THRB: variants seen among roughly 807,000 people sequenced by gnomAD.
The protein encoded by THRB is thyroid hormone receptor beta.
THRB carries 12 observed loss-of-function variants against 47.8 expected under a neutral mutation model. The observed-to-expected ratio is 0.25, with a 90% CI of 0.16 to 0.41. THRB has a LOEUF of 0.41. Among genes scored for constraint, THRB ranks in the 10% least tolerant of loss-of-function variants. THRB has a pLI of 1.00. For synonymous variants in THRB, 218 were observed against 212.2 expected (o/e 1.03, Z -0.24); for missense variants, 348 against 589.2 (o/e 0.59, Z 4.24).
At chr3:24,409,803 A>G (rs1019338696) in intron 1 of THRB, among the ~76,000 whole-genome samples, 1 of 151,834 alleles carries the variant, frequency 6.6e-6, no homozygotes, top group African/African-American at 2.4e-5. Context: ...AATGTAAAAA[A>G]TACCCCTGAA....
chr3:24,352,594 G>A (rs2063422987), intron 1 of THRB, among the ~76,000 whole-genome samples: 1 of 152,120 alleles, frequency 6.6e-6, no homozygotes, highest in African/African-American at 2.4e-5. Flanking sequence ...TTCAAACCGG[G>A]GTGGTTGGTT....
Position 24,466,858 on chromosome 3 carries a change from G to A in THRB, c.-261+27794C>T, listed in dbSNP as rs115661409. Among the ~76,000 whole-genome samples the A allele has an allele frequency of 4.2e-3, 643 of 152,296 alleles. 6 individuals are homozygous for A. The highest frequency in any genetic ancestry group is 0.015 in the African/African-American group (622 of 41,556). ...GATGTTGCTGGCTGCTAACTGATCA[G>A]GGTGATGGTTGCTGAAGGTTGGGGT... On this transcript the variant is annotated intron_variant, in intron 1 of 10. Coordinates refer to ENST00000646209, the MANE Select transcript of THRB (RefSeq NM_001354712.2).
intron 4 of THRB, among the ~76,000 whole-genome samples, chr3:24,223,893 TG>T (rs987926807): frequency 2.3e-4 from 34 of 145,012 alleles, no homozygotes; most frequent in African/African-American, 8.0e-4. Context: ...AATGTGTGTG[TG>T]GGGGGGGTAT....
intron 5 of THRB, among the ~76,000 whole-genome samples, chr3:24,158,332 T>C (rs2038186763): frequency 6.6e-6 from 1 of 152,044 alleles, no homozygotes; most frequent in Non-Finnish European, 1.5e-5. Flanking sequence ...TCTTGCATTA[T>C]GCCTTTTCAT....
intron 1 of THRB, among the ~76,000 whole-genome samples, chr3:24,369,690 C>G (rs2064764423): frequency 6.6e-6 from 1 of 152,188 alleles, no homozygotes; most frequent in African/African-American, 2.4e-5. Context: ...AGTGCACACT[C>G]TGTTTCACTG....
intron 3 of THRB, among the ~76,000 whole-genome samples, chr3:24,276,721 A>C (rs1474557166): frequency 6.6e-6 from 1 of 152,204 alleles, no homozygotes; most frequent in African/African-American, 2.4e-5. Context: ...AGGAGGCAAC[A>C]CCAATGCTAT....
At position 24,432,163 on chromosome 3, in the gene THRB, G is replaced by A. The variant is rs376225918; in HGVS notation, c.-261+62489C>T. Reference sequence around the variant, plus strand: ...ACCAAGCTTCATAGCCTACATATACGTTATAAGATGTACATTTATTCATAC... The same window carrying A: ...ACCAAGCTTCATAGCCTACATATACATTATAAGATGTACATTTATTCATAC... On this transcript the variant is annotated intron_variant, in intron 1 of 10. Transcript: ENST00000646209. Among the ~76,000 whole-genome samples, 16 of 152,066 alleles carry A rather than the reference G, an allele frequency of 1.1e-4. No individual in the cohort carries two copies. In the East Asian group the frequency reaches 1.2e-3, roughly 11 times the overall value.
chr3:24,168,490 A>AATAT (rs370230507), intron 5 of THRB, among the ~76,000 whole-genome samples: 5,852 of 137,972 alleles, frequency 0.042, 422 homozygotes, highest in African/African-American at 0.13. Context: ...TTCAATCAAT[A>AATAT]ATATATATAT....
At chr3:24,396,142 C>T (rs1479431352) in intron 1 of THRB, among the ~76,000 whole-genome samples, 1 of 151,934 alleles carries the variant, frequency 6.6e-6, no homozygotes, top group Non-Finnish European at 1.5e-5. Context: ...TGAATTGTAT[C>T]TCCACAAGGC....
rs543248434 is a variant in THRB at position 24,299,231 on chromosome 3, G to A, written c.-188-1860C>T. Among the ~76,000 whole-genome samples the A allele has an allele frequency of 5.6e-4, 70 of 125,322 alleles. No homozygotes were observed. In the South Asian group the frequency reaches 0.017, roughly 31 times the overall value. The allele number at this position is 125,322 out of a possible 152,430, so 82.2% of individuals were successfully genotyped here. A position where few individuals can be genotyped will look rare whatever the true frequency, so the allele number is the denominator to read the frequency against. On this transcript the variant is annotated intron_variant, in intron 2 of 10. Coordinates refer to ENST00000646209, the MANE Select transcript of THRB (RefSeq NM_001354712.2). ...CCACTGCACTCCAGCCTGGGCGACC[G>A]AGTGAGACTCAGTCTCATAAAAAAA...
intron 3 of THRB, among the ~76,000 whole-genome samples, chr3:24,277,585 T>G (rs2054060898): frequency 6.6e-6 from 1 of 152,178 alleles, no homozygotes; most frequent in Non-Finnish European, 1.5e-5. Flanking sequence ...ATATATTCCC[T>G]CTCAAATCTA....
chr3:24,439,025 C>T (rs796148850), intron 1 of THRB, among the ~76,000 whole-genome samples: 8 of 152,252 alleles, frequency 5.3e-5, no homozygotes, highest in African/African-American at 1.9e-4. Flanking sequence ...CTAGTCTGAT[C>T]CCACAGGGAG....
chr3:24,219,294 TCAAAAAACAAAAA>T lies in THRB; in HGVS notation c.22+9631_22+9643del, dbSNP rs1405795882. Among the ~76,000 whole-genome samples the T allele has an allele frequency of 9.9e-5, 15 of 152,166 alleles. No homozygotes were observed. In the South Asian group the frequency reaches 3.1e-3, roughly 32 times the overall value. On this transcript the variant is annotated intron_variant, in intron 4 of 10. Transcript: ENST00000646209. Reference sequence around the variant, plus strand: ...GGGTGACAGAGTGTGAGACCCTGTCTCAAAAAACAAAAACAAAAAAATAGGATTTTAAACTCGA... The same window carrying T: ...GGGTGACAGAGTGTGAGACCCTGTCTCAAAAAAATAGGATTTTAAACTCGA...
intron 1 of THRB, among the ~76,000 whole-genome samples, chr3:24,374,518 A>G (rs1420278081): frequency 6.6e-6 from 1 of 152,156 alleles, no homozygotes; most frequent in Non-Finnish European, 1.5e-5. Flanking sequence ...ACTTCTTGTT[A>G]ACATAAATAG....
intron 1 of THRB, among the ~76,000 whole-genome samples, chr3:24,408,826 A>C (rs2068040930): frequency 6.6e-6 from 1 of 151,834 alleles, no homozygotes. Context: ...AAGAAAAAAA[A>C]TCCTTTCCAT....
chr3:24,273,160 C>G (rs1441139509), intron 3 of THRB, among the ~76,000 whole-genome samples: 2 of 152,046 alleles, frequency 1.3e-5, no homozygotes, highest in Non-Finnish European at 2.9e-5. Flanking sequence ...ACACACACCA[C>G]AACTCCACTC....
intron 3 of THRB, among the ~76,000 whole-genome samples, chr3:24,281,925 A>C (rs1021756109): frequency 1.3e-5 from 2 of 150,186 alleles, no homozygotes; most frequent in African/African-American, 4.9e-5. Context: ...GAGCACCCAG[A>C]TTCATAAAGC....
chr3:24,133,510 C>G, intron 8 of THRB, 48 bp from the exon 9 acceptor site: 1 of 1,561,678 alleles, frequency 6.4e-7, no homozygotes, highest in Non-Finnish European at 8.8e-7. Context: ...TTGAAGGGAG[C>G]TTTATTTATC....
chr3:24,281,749 G>A lies in THRB; in HGVS notation c.-43+15477C>T, dbSNP rs1002698706. The stretch of plus-strand genomic sequence containing the variant: ...AAAAGGATGGAGGAAGATCTACCAA[G>A]CAAATGGAAAACAAAAAAAGGCAGG... On this transcript the variant is annotated intron_variant, in intron 3 of 10. Transcript: ENST00000646209. Among the ~76,000 whole-genome samples, 20 of 141,840 alleles carry A rather than the reference G, an allele frequency of 1.4e-4. No individual in the cohort carries two copies. In the East Asian group the frequency reaches 1.5e-3, roughly 11 times the overall value. The allele number at this position is 141,840 out of a possible 152,430, so 93.1% of individuals were successfully genotyped here.
Sources: allele counts gnomAD v4.1 joint callset (sites outside exome capture counted in the v4.1 genomes callset), GRCh38; gene constraint gnomAD v4.1.1; transcripts MANE v1.5; gene names NCBI Gene and HGNC (gene_info 2026-07-23, HGNC 2026-07-21).